The following CDC42SE2 variants were observed in gnomAD, a reference collection of about 807,000 sequenced individuals.
The protein encoded by CDC42SE2 is CDC42 small effector 2, also known as CDC42 small effector protein 2.
CDC42SE2 carries 3 observed loss-of-function variants against 11.5 expected under a neutral mutation model. The observed-to-expected ratio is 0.26, with a 90% CI of 0.12 to 0.67. The LOEUF is 0.67. Ranked by LOEUF, CDC42SE2 falls within the 30% of genes least tolerant of loss-of-function variation. The pLI is 0.80. For missense variants in CDC42SE2, 82 were observed against 106.8 expected (o/e 0.77, Z 1.02); for synonymous variants, 33 against 34.8 (o/e 0.95, Z 0.18).
At chr5:131,229,066 T>C in the CDC42SE2 span, among the ~76,000 whole-genome samples, 1 of 152,196 alleles carries the variant, frequency 6.6e-6, no homozygotes, top group Admixed American at 6.5e-5. Context: ...AGTCCCAGAA[T>C]GCTACTGTGT....
chr5:131,228,264 G>A, the CDC42SE2 span, among the ~76,000 whole-genome samples: 4 of 152,108 alleles, frequency 2.6e-5, no homozygotes, highest in East Asian at 3.9e-4. Flanking sequence ...CTACTCAGGA[G>A]GCTGTGGTAG....
At chr5:131,327,960 T>C (rs1334106130) in intron 2 of CDC42SE2, among the ~76,000 whole-genome samples, 2 of 152,130 alleles carry the variant, frequency 1.3e-5, no homozygotes, top group African/African-American at 4.8e-5. Flanking sequence ...GGCTCATGGT[T>C]TGGGAGGCTG....
intron 1 of CDC42SE2, among the ~76,000 whole-genome samples, chr5:131,274,253 T>C (rs919179760): frequency 2.0e-5 from 3 of 152,110 alleles, no homozygotes; most frequent in African/African-American, 7.2e-5. Flanking sequence ...ACCCCAGTAA[T>C]TGTCCCCATT....
chr5:131,313,090 C>T (rs1008325164), intron 1 of CDC42SE2, among the ~76,000 whole-genome samples: 2 of 151,902 alleles, frequency 1.3e-5, no homozygotes, highest in Non-Finnish European at 2.9e-5. Flanking sequence ...TCACACCATT[C>T]TGCTGCCTCA....
At chr5:131,356,129 T>C (rs974997692) in intron 2 of CDC42SE2, among the ~76,000 whole-genome samples, 1 of 152,208 alleles carries the variant, frequency 6.6e-6, no homozygotes, top group African/African-American at 2.4e-5. Flanking sequence ...TAAAATACTC[T>C]CTTGTGCTGT....
At chr5:131,276,710 A>G (rs529812391) in intron 1 of CDC42SE2, among the ~76,000 whole-genome samples, 5 of 148,944 alleles carry the variant, frequency 3.4e-5, no homozygotes, top group African/African-American at 1.0e-4. Flanking sequence ...AGACTCTCAT[A>G]TAAACATGAC....
rs1347115834 is a variant in CDC42SE2, at chr5:131,307,689, T to C, written c.-454-8287T>C. 4.6e-5 allele frequency among the ~76,000 whole-genome samples: 7 copies of C among 152,226 alleles called. No homozygotes were observed. In the South Asian group the frequency reaches 8.3e-4, roughly 18 times the overall value. ...CTAGTTTACAGTCCCACCAACAGTG[T>C]AAAAGTGTTCCTATTTCTCCACATC... is the stretch of plus-strand genomic sequence containing the variant. On this transcript the variant is annotated intron_variant, in intron 1 of 4. Transcript: ENST00000505065.
At chr5:131,316,702 G>T (rs1336089441) in intron 2 of CDC42SE2, among the ~76,000 whole-genome samples, 3 of 152,200 alleles carry the variant, frequency 2.0e-5, no homozygotes, top group African/African-American at 7.2e-5. Context: ...CTTTTTAGTA[G>T]CCTGAAGGTG....
At chr5:131,311,058 A>G (rs1561580308) in intron 1 of CDC42SE2, among the ~76,000 whole-genome samples, 3 of 151,398 alleles carry the variant, frequency 2.0e-5, no homozygotes, top group Non-Finnish European at 2.9e-5. Flanking sequence ...ACATTTTGGC[A>G]TGATTTTGCA....
intron 1 of CDC42SE2, among the ~76,000 whole-genome samples, chr5:131,273,803 G>T (rs185750764): frequency 1.3e-4 from 19 of 151,390 alleles, no homozygotes; most frequent in Admixed American, 1.2e-3. Flanking sequence ...TCTTGAGGCA[G>T]GGCCTTGCTC....
intron 1 of CDC42SE2, among the ~76,000 whole-genome samples, chr5:131,302,894 G>A (rs893552588): frequency 2.0e-5 from 3 of 148,084 alleles, no homozygotes; most frequent in African/African-American, 5.0e-5. Context: ...CCCCTTTAAC[G>A]TTTTTGCCTC....
At chr5:131,266,715 C>G (rs576406206) in intron 1 of CDC42SE2, among the ~76,000 whole-genome samples, 52 of 152,068 alleles carry the variant, frequency 3.4e-4, no homozygotes, top group Admixed American at 4.6e-4. Context: ...GCCTCGGCCT[C>G]CCAAAGTGTG....
At chr5:131,361,728 G>A (rs1454511850) in intron 3 of CDC42SE2, among the ~76,000 whole-genome samples, 1 of 152,102 alleles carries the variant, frequency 6.6e-6, no homozygotes, top group Non-Finnish European at 1.5e-5. Flanking sequence ...GCTCTCTGTC[G>A]ATGAGGGAGC....
chr5:131,263,995 G>A (rs1274940321), upstream of CDC42SE2: 1 of 151,606 alleles, frequency 6.6e-6, no homozygotes, highest in East Asian at 1.9e-4. Flanking sequence ...CTCTAGGGGC[G>A]CGCGCCGCCT....
rs1185354534 is a variant in CDC42SE2 at position 131,292,270 on chromosome 5, AT to A, written c.-454-23705del. On this transcript the variant is annotated intron_variant, in intron 1 of 4. Coordinates refer to ENST00000505065, the MANE Select transcript of CDC42SE2 (RefSeq NM_001375635.1). ...AAAAAAAAAAAAAAAAAAAAAGATA[AT>A]AATAATATCTTCCCAGCTGGACACA... is the stretch of plus-strand genomic sequence containing the variant. Among the ~76,000 whole-genome samples the A allele has an allele frequency of 6.1e-5, 9 of 148,746 alleles. No individual in the cohort carries two copies. The South Asian group carries it at 1.9e-3, about 32-fold the overall frequency.
chr5:131,385,230 C>G (rs1440857451), intron 3 of CDC42SE2, among the ~76,000 whole-genome samples: 1 of 152,126 alleles, frequency 6.6e-6, no homozygotes, highest in Admixed American at 6.5e-5. Flanking sequence ...ATAATAGTGA[C>G]TGAGGGTAAT....
Position 131,273,447 on chromosome 5 carries a change from C to T in CDC42SE2, c.-455+9281C>T, listed in dbSNP as rs147304011. 4.6e-3 allele frequency among the ~76,000 whole-genome samples: 689 copies of T among 149,842 alleles called. 5 individuals carry two copies. Among genetic ancestry groups the T allele is most frequent in the African/African-American group, 0.013 (546 of 41,244 alleles). The stretch of plus-strand genomic sequence containing the variant: ...CTGGGATTATAGGCATGAGCCACTG[C>T]GCCCAGCCTTATTTTTTTTTTTAAT... On this transcript the variant is annotated intron_variant, in intron 1 of 4. Coordinates refer to ENST00000505065, the MANE Select transcript of CDC42SE2 (RefSeq NM_001375635.1).
chr5:131,287,487 C>G (rs1757365241), intron 1 of CDC42SE2, among the ~76,000 whole-genome samples: 2 of 147,060 alleles, frequency 1.4e-5, no homozygotes, highest in South Asian at 4.2e-4. Flanking sequence ...TTTTTTGAGA[C>G]AGGATCTCAC....
intron 1 of CDC42SE2, among the ~76,000 whole-genome samples, chr5:131,312,428 C>T (rs1472541324): frequency 6.6e-6 from 1 of 152,172 alleles, no homozygotes; most frequent in Non-Finnish European, 1.5e-5. Flanking sequence ...GTGGAGCCTA[C>T]AGAGGCAGGC....
Sources: gnomAD v4.1 joint callset for allele counts (sites outside exome capture counted in the v4.1 genomes callset) on GRCh38, gnomAD v4.1.1 for gene constraint, MANE v1.5 for transcripts, NCBI Gene and HGNC (gene_info 2026-07-23, HGNC 2026-07-21) for gene names.